HNF4G: variants seen among roughly 807,000 people sequenced by gnomAD.
HNF4G encodes hepatocyte nuclear factor 4 gamma, also known as hepatocyte nuclear factor 4-gamma.
In HNF4G, 21 loss-of-function variants were observed where a neutral mutation model predicts 50.9. The ratio of observed to expected loss-of-function variants is 0.41; its 90% CI spans 0.29 to 0.59. HNF4G has a LOEUF of 0.59. Ranked by LOEUF, HNF4G falls within the 20% of genes least tolerant of loss-of-function variation. HNF4G has a pLI of 0.26. For missense variants in HNF4G, 527 were observed against 559.4 expected (o/e 0.94, Z 0.58); for synonymous variants, 198 against 185.6 (o/e 1.07, Z -0.54).
At chr8:75,426,680 T>C (rs1810896440) in intron 1 of HNF4G, among the ~76,000 whole-genome samples, 1 of 151,124 alleles carries the variant, frequency 6.6e-6, no homozygotes, top group Admixed American at 6.6e-5. Flanking sequence ...GATAAAAGGT[T>C]GTTTAGTGAA....
At chr8:75,504,751 A>G (rs150260019) in intron 2 of HNF4G, among the ~76,000 whole-genome samples, 2 of 152,268 alleles carry the variant, frequency 1.3e-5, no homozygotes, top group East Asian at 3.9e-4. Flanking sequence ...TTGTTTATTA[A>G]GGTCTTTCTA....
intron 1 of HNF4G, among the ~76,000 whole-genome samples, chr8:75,448,985 C>T (rs1005312986): frequency 7.2e-5 from 11 of 151,982 alleles, no homozygotes; most frequent in Non-Finnish European, 1.5e-4. Context: ...AATCAAATAG[C>T]ATAATTTCAC....
At chr8:75,472,572 A>G (rs1395484664) in intron 1 of HNF4G, among the ~76,000 whole-genome samples, 2 of 152,228 alleles carry the variant, frequency 1.3e-5, no homozygotes, top group Non-Finnish European at 2.9e-5. Flanking sequence ...GTAAGTAAAG[A>G]TACAGAGTGC....
rs979896978 is a variant in HNF4G, at chr8:75,425,117, G to A, written c.-144+16955G>A. Among the ~76,000 whole-genome samples, 4 of 139,208 alleles carry A rather than the reference G, an allele frequency of 2.9e-5. No individual in the cohort carries two copies. The South Asian group carries it at 9.2e-4, about 32-fold the overall frequency. The allele number at this position is 139,208 out of a possible 152,430, so 91.3% of individuals were successfully genotyped here. A position where few individuals can be genotyped will look rare whatever the true frequency, so the allele number is the denominator to read the frequency against. On this transcript the variant is annotated intron_variant, in intron 1 of 10. Transcript: ENST00000354370. Reference sequence around the variant, plus strand: ...ATTTATTTATTTTAGACGGAGTCTCGCTCAGCCACCTGGGCTGGAGTGCAG... The same window carrying A: ...ATTTATTTATTTTAGACGGAGTCTCACTCAGCCACCTGGGCTGGAGTGCAG...
rs766488467 is a variant in HNF4G, at chr8:75,558,588, T to A, written c.804T>A (p.Asp268Glu). 1.2e-6 allele frequency: 2 copies of A among 1,613,718 alleles called. No homozygotes were observed. Among genetic ancestry groups the A allele is most frequent in the Admixed American group, 1.7e-5 (1 of 60,020 alleles). The change falls in exon 7 of 10, where the codon GAT (aspartate) becomes GAA (glutamate). Residue 268 changes from aspartate to glutamate, a missense_variant. Transcript: ENST00000396423. ...GCCGTGTGGCCAATCGTGTTCTAGATGAGCTGGTTAGACCATTTCAAGAAA... is the reference window on the plus strand; with the variant it reads ...GCCGTGTGGCCAATCGTGTTCTAGAAGAGCTGGTTAGACCATTTCAAGAAA... ...EISRVANRVL[D>E]ELVRPFQEIQ...
intron 1 of HNF4G, among the ~76,000 whole-genome samples, chr8:75,435,868 A>AC (rs1323936925): frequency 6.6e-6 from 1 of 152,240 alleles, no homozygotes; most frequent in Admixed American, 6.5e-5. Flanking sequence ...TGTTGGAATT[A>AC]CAGGTGTGAG....
At chr8:75,488,320 G>T (rs6991683) in intron 1 of HNF4G, among the ~76,000 whole-genome samples, 34,728 of 152,024 alleles carry the variant, frequency 0.23, 5,182 homozygotes, top group African/African-American at 0.42. Context: ...GTTGCCCAGG[G>T]TGGAGTGCGG....
At chr8:75,412,865 A>T (rs999090710) in intron 1 of HNF4G, among the ~76,000 whole-genome samples, 3 of 152,192 alleles carry the variant, frequency 2.0e-5, no homozygotes, top group Non-Finnish European at 4.4e-5. Context: ...AAACAGTGAT[A>T]ATCTACCTTG....
chr8:75,444,314 C>T (rs1200812257), intron 1 of HNF4G, among the ~76,000 whole-genome samples: 1 of 151,738 alleles, frequency 6.6e-6, no homozygotes, highest in Non-Finnish European at 1.5e-5. Flanking sequence ...GTACCAGCCG[C>T]TGCAAAATCA....
chr8:75,545,180 C>T (rs1172094429), intron 2 of HNF4G, among the ~76,000 whole-genome samples: 2 of 151,606 alleles, frequency 1.3e-5, no homozygotes, highest in African/African-American at 4.8e-5. Context: ...TAAACTAAAA[C>T]AAATACAGAA....
chr8:75,467,741 CCTT>C lies in HNF4G; in HGVS notation c.-143-22342_-143-22340del, dbSNP rs200819806. On this transcript the variant is annotated intron_variant, in intron 1 of 10. Transcript: ENST00000354370. ...TTTTATCTATCCATATATTTTACTTCCTTCTTCTAGACATCAAGAAAAGTAATT... is the reference window on the plus strand; with the variant it reads ...TTTTATCTATCCATATATTTTACTTCCTTCTAGACATCAAGAAAAGTAATT... Among the ~76,000 whole-genome samples, 543 of 151,772 alleles carry C rather than the reference CCTT, an allele frequency of 3.6e-3. 17 individuals carry two copies. The East Asian group carries it at 0.06, about 17-fold the overall frequency.
At chr8:75,431,270 G>T (rs1052974970) in intron 1 of HNF4G, among the ~76,000 whole-genome samples, 4 of 152,026 alleles carry the variant, frequency 2.6e-5, no homozygotes, top group African/African-American at 7.2e-5. Context: ...AATGAAGGAA[G>T]AGAAAAAACA....
chr8:75,499,688 A>G (rs1812872845), intron 2 of HNF4G, among the ~76,000 whole-genome samples: 1 of 152,064 alleles, frequency 6.6e-6, no homozygotes, highest in Non-Finnish European at 1.5e-5. Flanking sequence ...AAGAATAGAT[A>G]TATAGATTAA....
At chr8:75,463,791 T>G (rs1474949449) in intron 1 of HNF4G, among the ~76,000 whole-genome samples, 6 of 150,598 alleles carry the variant, frequency 4.0e-5, no homozygotes, top group African/African-American at 1.5e-4. Flanking sequence ...TTTTTTTTTT[T>G]GAGACAGAAT....
At chr8:75,545,376 G>A (rs1028369456) in intron 2 of HNF4G, among the ~76,000 whole-genome samples, 3 of 151,982 alleles carry the variant, frequency 2.0e-5, no homozygotes, top group Admixed American at 6.6e-5. Flanking sequence ...GTGGAAAAGG[G>A]ATGCTCTCAG....
intron 1 of HNF4G, among the ~76,000 whole-genome samples, chr8:75,422,124 A>G (rs117969396): frequency 2.0e-4 from 30 of 152,260 alleles, no homozygotes; most frequent in Non-Finnish European, 4.3e-4. Flanking sequence ...TGACTATTCC[A>G]TATATCTTAC....
At chr8:75,453,115 C>T (rs1163055986) in intron 1 of HNF4G, among the ~76,000 whole-genome samples, 1 of 152,196 alleles carries the variant, frequency 6.6e-6, no homozygotes, top group Non-Finnish European at 1.5e-5. Flanking sequence ...AACCAGACTC[C>T]TTGTTTCAGG....
chr8:75,502,795 A>T (rs1812966582), intron 2 of HNF4G, among the ~76,000 whole-genome samples: 1 of 152,220 alleles, frequency 6.6e-6, no homozygotes, highest in Non-Finnish European at 1.5e-5. Flanking sequence ...CTTTAGAAAG[A>T]CACCCATTGT....
At chr8:75,474,686 A>C (rs1206639433) in intron 1 of HNF4G, among the ~76,000 whole-genome samples, 1 of 151,928 alleles carries the variant, frequency 6.6e-6, no homozygotes, top group Non-Finnish European at 1.5e-5. Flanking sequence ...TTGGAGATGG[A>C]ATTATTATTT....
Sources: allele counts gnomAD v4.1 joint callset (sites outside exome capture counted in the v4.1 genomes callset), GRCh38; gene constraint gnomAD v4.1.1; transcripts MANE v1.5; gene names NCBI Gene and HGNC (gene_info 2026-07-23, HGNC 2026-07-21).